LOC128092252: variants seen among roughly 807,000 people sequenced by gnomAD.
chr15:50,661,444 G>A, the LOC128092252 span, among the ~76,000 whole-genome samples: 7 of 152,154 alleles, frequency 4.6e-5, no homozygotes, highest in East Asian at 1.2e-3. Context: ...GAAACTCTAC[G>A]TATTGCTTCA....
the LOC128092252 span, among the ~76,000 whole-genome samples, chr15:50,652,125 G>A: frequency 1.3e-5 from 2 of 151,408 alleles, no homozygotes; most frequent in Non-Finnish European, 2.9e-5. Context: ...TTGAGGTCAG[G>A]AGTTCGAGAC....
At chr15:50,685,188 C>A in the LOC128092252 span, among the ~76,000 whole-genome samples, 1 of 152,192 alleles carries the variant, frequency 6.6e-6, no homozygotes, top group African/African-American at 2.4e-5. Flanking sequence ...GTTGGCCTGG[C>A]GCGGTGGCTC....
chr15:50,681,293 A>AC, the LOC128092252 span, among the ~76,000 whole-genome samples: 7 of 151,606 alleles, frequency 4.6e-5, no homozygotes, highest in African/African-American at 7.3e-5. Context: ...ACACACACAC[A>AC]AAGCATTCAG....
At chr15:50,651,052 T>C in the LOC128092252 span, among the ~76,000 whole-genome samples, 2 of 152,012 alleles carry the variant, frequency 1.3e-5, no homozygotes, top group South Asian at 4.1e-4. Flanking sequence ...TCGGGCGTGG[T>C]GATGCACGCC....
At chr15:50,663,102 A>T in the LOC128092252 span, 1 of 1,349,876 alleles carries the variant, frequency 7.4e-7, no homozygotes, top group Non-Finnish European at 1.0e-6. Context: ...AATAAGAAGG[A>T]AACAATTTCA....
chr15:50,661,710 T>C, the LOC128092252 span, among the ~76,000 whole-genome samples: 2 of 152,140 alleles, frequency 1.3e-5, no homozygotes, highest in Admixed American at 1.3e-4. Flanking sequence ...GAGTTATATA[T>C]CTAACAGAAA....
chr15:50,666,306 G>A, the LOC128092252 span, among the ~76,000 whole-genome samples: 5 of 151,598 alleles, frequency 3.3e-5, no homozygotes, highest in South Asian at 1.0e-3. Context: ...AGCATGTGAT[G>A]GCACGTGCCT....
chr15:50,682,091 T>A, the LOC128092252 span, among the ~76,000 whole-genome samples: 1 of 138,764 alleles, frequency 7.2e-6, no homozygotes, highest in Non-Finnish European at 1.5e-5. Flanking sequence ...GGCAGGAGAA[T>A]CACTTTAAAC....
At chr15:50,686,060 C>G in the LOC128092252 span, among the ~76,000 whole-genome samples, 10 of 152,352 alleles carry the variant, frequency 6.6e-5, no homozygotes, top group South Asian at 1.0e-3. Flanking sequence ...TCCTCTACCC[C>G]CTTTTTGCAC....
At chr15:50,679,530 ATATATATATT>A in the LOC128092252 span, among the ~76,000 whole-genome samples, 4 of 44,842 alleles carry the variant, frequency 8.9e-5, no homozygotes, top group Admixed American at 2.1e-4. Flanking sequence ...ATATATATAT[ATATATATATT>A]TTTTTTTTTT....
the LOC128092252 span, among the ~76,000 whole-genome samples, chr15:50,685,776 C>T: frequency 6.6e-6 from 1 of 152,072 alleles, no homozygotes; most frequent in African/African-American, 2.4e-5. Context: ...TGCAATGCAC[C>T]GCCTCCCTCT....
At chr15:50,681,469 T>C in the LOC128092252 span, among the ~76,000 whole-genome samples, 1 of 152,310 alleles carries the variant, frequency 6.6e-6, no homozygotes, top group East Asian at 1.9e-4. Context: ...TAGCCCTATC[T>C]TTCTAGTCTA....
the LOC128092252 span, chr15:50,686,476 T>A: frequency 6.2e-7 from 1 of 1,614,084 alleles, no homozygotes; most frequent in South Asian, 1.1e-5. Flanking sequence ...AGTCTCTCCT[T>A]TACCGCCCGC....
At chr15:50,683,985 G>T in the LOC128092252 span, among the ~76,000 whole-genome samples, 2 of 151,278 alleles carry the variant, frequency 1.3e-5, no homozygotes, top group African/African-American at 2.4e-5. Flanking sequence ...TCAGCCTCAC[G>T]AGTAGCTGGG....
At chr15:50,648,987 T>G in the LOC128092252 span, 1 of 750,458 alleles carries the variant, frequency 1.3e-6, no homozygotes, top group African/African-American at 1.8e-5. Flanking sequence ...CTTTAAAATT[T>G]TTATATTTTA....
At chr15:50,660,724 A>C in the LOC128092252 span, among the ~76,000 whole-genome samples, 4 of 152,178 alleles carry the variant, frequency 2.6e-5, no homozygotes, top group African/African-American at 9.7e-5. Context: ...TCCAGTCATT[A>C]CTCAGTAAAG....
the LOC128092252 span, among the ~76,000 whole-genome samples, chr15:50,681,444 G>C: frequency 1.3e-5 from 2 of 152,108 alleles, no homozygotes; most frequent in African/African-American, 4.8e-5. Flanking sequence ...ATTTCATATA[G>C]TAAAGGCTAA....
the LOC128092252 span, chr15:50,657,958 T>A: frequency 1.8e-6 from 1 of 554,410 alleles, no homozygotes; most frequent in Non-Finnish European, 3.2e-6. Context: ...AGTTCACGTA[T>A]ACCTTGATTT....
chr15:50,664,246 G>A, the LOC128092252 span, among the ~76,000 whole-genome samples: 1 of 148,398 alleles, frequency 6.7e-6, no homozygotes, highest in African/African-American at 2.5e-5. Context: ...GGAGTCGGAG[G>A]TTGCAGTGAG....
Sources: allele counts gnomAD v4.1 joint callset (sites outside exome capture counted in the v4.1 genomes callset), GRCh38; gene constraint gnomAD v4.1.1; transcripts MANE v1.5.